HDAC11: variants seen among roughly 807,000 people sequenced by gnomAD.
The protein encoded by HDAC11 is histone deacetylase 11.
A neutral mutation model predicts 41.1 loss-of-function variants in HDAC11; 23 were observed. That is an observed-to-expected ratio of 0.56 (90% CI 0.40 to 0.79). HDAC11 has a LOEUF of 0.79. Among genes scored for constraint, HDAC11 ranks in the 30% least tolerant of loss-of-function variants. The probability of loss-of-function intolerance (pLI) is 0.00; values close to 1 mark genes in which losing one functional copy is unlikely to be tolerated. For synonymous variants in HDAC11, 187 were observed against 186.6 expected (o/e 1.00, Z -0.02); for missense variants, 402 against 477.3 (o/e 0.84, Z 1.47).
chr3:13,491,148 G>A (rs116125318), intron 3 of HDAC11, among the ~76,000 whole-genome samples: 178 of 151,220 alleles, frequency 1.2e-3, no homozygotes, highest in African/African-American at 4.0e-3. Context: ...ACATCATACC[G>A]TCTGTGAAGA....
intron 3 of HDAC11, among the ~76,000 whole-genome samples, chr3:13,495,726 C>T (rs181338639): frequency 2.6e-5 from 4 of 152,324 alleles, no homozygotes; most frequent in Non-Finnish European, 4.4e-5. Flanking sequence ...GTTCCAGCTG[C>T]ACCCACCTTC....
In HDAC11 at chr3:13,495,705, C is replaced by T. The variant is rs11921886; in HGVS notation, c.253-1031C>T. Among the ~76,000 whole-genome samples the T allele has an allele frequency of 5.0e-3, 764 of 152,316 alleles. 9 individuals are homozygous for T. The highest frequency in any genetic ancestry group is 0.018 in the African/African-American group (736 of 41,548). ...GAGACCAGGCCCTGTGTGATAAGCTCAGCCTGCCCTGTTCCAGCTGCACCC... is the reference window on the plus strand; with the variant it reads ...GAGACCAGGCCCTGTGTGATAAGCTTAGCCTGCCCTGTTCCAGCTGCACCC... On this transcript the variant is annotated intron_variant, in intron 3 of 9. Coordinates refer to ENST00000295757, the MANE Select transcript of HDAC11 (RefSeq NM_024827.4).
Position 13,498,519 on chromosome 3 carries a change from A to G in HDAC11, c.376A>G (p.Lys126Glu). 6.2e-7 allele frequency: 1 copy of G among 1,613,922 alleles called. No individual in the cohort carries two copies. The highest frequency in any genetic ancestry group is 8.5e-7 in the Non-Finnish European group (1 of 1,179,990). Residue 126 changes from lysine to glutamate, a missense_variant, in exon 5 of 10, where the codon AAG (lysine) becomes GAG (glutamate). Coordinates refer to ENST00000295757, the MANE Select transcript of HDAC11 (RefSeq NM_024827.4). ...TQTGGTIMAG[K>E]LAVERGWAIN... is the part of the protein sequence containing the mutation. ...CCTCTGCTTGTCTCCAAAGGCGGGG[A>G]AGCTGGCTGTGGAGCGAGGCTGGGC...
At chr3:13,488,711 G>A (rs548328836) in intron 3 of HDAC11, among the ~76,000 whole-genome samples, 1 of 152,218 alleles carries the variant, frequency 6.6e-6, no homozygotes, top group South Asian at 2.1e-4. Flanking sequence ...TGTTGCTGTG[G>A]ACATGTGCAT....
In HDAC11 at chr3:13,498,238, A is replaced by G. The variant is rs145754410; in HGVS notation, c.370-275A>G. 6.1e-4 allele frequency among the ~76,000 whole-genome samples: 93 copies of G among 152,318 alleles called. 1 individual carries two copies. The highest frequency in any genetic ancestry group is 2.1e-3 in the African/African-American group (87 of 41,574). On this transcript the variant is annotated intron_variant, in intron 4 of 9. Transcript: ENST00000295757. ...CAAAATTATTGTCAGCTCATATGTG[A>G]TGGATGATAAGTACTTTTATTTTTT...
chr3:13,504,380 A>C, intron 9 of HDAC11, 88 bp from the exon 10 acceptor site: 1 of 1,583,836 alleles, frequency 6.3e-7, no homozygotes, highest in Non-Finnish European at 8.6e-7. Context: ...AAGCAACAGC[A>C]GTTTGGAGCA....
chr3:13,495,886 C>T (rs1195063543), intron 3 of HDAC11, among the ~76,000 whole-genome samples: 4 of 152,236 alleles, frequency 2.6e-5, no homozygotes, highest in Non-Finnish European at 5.9e-5. Context: ...TCCTCTTCAT[C>T]ACCACACTCA....
intron 3 of HDAC11, among the ~76,000 whole-genome samples, chr3:13,484,435 A>G (rs968106049): frequency 6.6e-6 from 1 of 152,198 alleles, no homozygotes; most frequent in African/African-American, 2.4e-5. Context: ...CCCCTTCCCA[A>G]GGGGCGGCTC....
chr3:13,492,323 G>T (rs1375814650), intron 3 of HDAC11, among the ~76,000 whole-genome samples: 1 of 152,226 alleles, frequency 6.6e-6, no homozygotes, highest in African/African-American at 2.4e-5. Context: ...GCACCAGCCA[G>T]AAAAGGGGAT....
At chr3:13,491,409 C>T (rs1701859802) in intron 3 of HDAC11, among the ~76,000 whole-genome samples, 1 of 151,984 alleles carries the variant, frequency 6.6e-6, no homozygotes, top group Non-Finnish European at 1.5e-5. Flanking sequence ...GTGATTTTAT[C>T]ACAAAAGGCT....
rs1701317878 is a variant in HDAC11 at position 13,481,484 on chromosome 3, T to A, written c.151+90T>A. The A allele has an allele frequency of 2.9e-5, 42 of 1,473,140 alleles. No individual in the cohort carries two copies. The South Asian group carries it at 4.6e-4, about 16-fold the overall frequency. The allele number at this position is 1,473,140 out of a possible 1,614,324, so 91.3% of individuals were successfully genotyped here. A position where few individuals can be genotyped will look rare whatever the true frequency, so the allele number is the denominator to read the frequency against. On this transcript the variant is annotated intron_variant, in intron 2 of 9. Coordinates refer to ENST00000295757, the MANE Select transcript of HDAC11 (RefSeq NM_024827.4). Reference sequence around the variant, plus strand: ...TCCCCAACATAAGCCTCAGGCTCTCTCCCATCTTCAGTTTCAGCCCTCGGA... The same window carrying A: ...TCCCCAACATAAGCCTCAGGCTCTCACCCATCTTCAGTTTCAGCCCTCGGA...
In HDAC11 at chr3:13,481,306, G is replaced by A. The variant is rs373052655; in HGVS notation, c.63G>A (p.Ser21=). 8.7e-6 allele frequency: 14 copies of A among 1,613,266 alleles called. No individual in the cohort carries two copies. The highest frequency in any genetic ancestry group is 5.3e-5 in the African/African-American group (4 of 74,870). ...VPETRWPIVY[S]PRYNITFMGL... ...AGACACGCTGGCCAATCGTGTACTC[G>A]CCGCGCTACAACATCACCTTCATGG... Residue 21 remains serine, a synonymous_variant, in exon 2 of 10, where the codon TCG becomes TCA. Coordinates refer to ENST00000295757, the MANE Select transcript of HDAC11 (RefSeq NM_024827.4).
chr3:13,502,222 G>A lies in HDAC11; in HGVS notation c.552+289G>A. 1 of 410,456 alleles carries A rather than the reference G, an allele frequency of 2.4e-6. No individual in the cohort carries two copies. The highest frequency in any genetic ancestry group is 4.0e-5 in the East Asian group (1 of 24,782). The allele number at this position is 410,456 out of a possible 1,614,324, so 25.4% of individuals were successfully genotyped here. On this transcript the variant is annotated intron_variant, in intron 7 of 9. Transcript: ENST00000295757. This position sits in a 1 kb window ranked among gnomAD's most constrained non-coding sequence, Gnocchi z 4.1. ...CTCTCGTGTGCAGAGCTCTGCTGTG[G>A]GTCCCCATTGCTTATGAATAATTTG... is the stretch of plus-strand genomic sequence containing the variant.
intron 3 of HDAC11, among the ~76,000 whole-genome samples, chr3:13,492,788 C>T (rs1701926314): frequency 6.6e-6 from 1 of 152,168 alleles, no homozygotes; most frequent in African/African-American, 2.4e-5. Flanking sequence ...AAGTAATCCG[C>T]CTACCTCAGC....
At position 13,502,635 on chromosome 3, in the gene HDAC11, C is replaced by T. The variant is rs1702425179; in HGVS notation, c.553-249C>T. The T allele has an allele frequency of 9.5e-6, 4 of 422,374 alleles. No homozygotes were observed. Among genetic ancestry groups the T allele is most frequent in the East Asian group, 4.6e-5 (1 of 21,940 alleles). 26.2% of individuals were successfully genotyped at this position (422,374 alleles called of 1,614,324 possible). On this transcript the variant is annotated intron_variant, in intron 7 of 9. Coordinates refer to ENST00000295757, the MANE Select transcript of HDAC11 (RefSeq NM_024827.4). This position sits in a 1 kb window ranked among gnomAD's most constrained non-coding sequence, Gnocchi z 4.1. ...CCACAGACTTGAGAGGGTGGCAGAGCGGGATTTCTTCCTCTGATAGGGAAC... is the reference window on the plus strand; with the variant it reads ...CCACAGACTTGAGAGGGTGGCAGAGTGGGATTTCTTCCTCTGATAGGGAAC...
intron 3 of HDAC11, among the ~76,000 whole-genome samples, chr3:13,487,388 C>T (rs1701647327): frequency 3.3e-5 from 5 of 152,240 alleles, no homozygotes; most frequent in South Asian, 2.1e-4. Flanking sequence ...ATTCTACCCC[C>T]AACCCCTGCC....
intron 4 of HDAC11, among the ~76,000 whole-genome samples, chr3:13,497,238 G>C (rs1290744427): frequency 6.6e-6 from 1 of 151,788 alleles, no homozygotes; most frequent in Non-Finnish European, 1.5e-5. Flanking sequence ...GAGTGCAGTG[G>C]TGTGATCTTG....
rs752031999 is a variant in HDAC11, at chr3:13,481,323, C to A, written c.80C>A (p.Thr27Asn). The change falls in exon 2 of 10, where the codon ACC becomes AAC. Residue 27 changes from threonine to asparagine, a missense_variant. By Grantham distance (65) the Thr-to-Asn change is moderately conservative. Transcript: ENST00000295757. ...GTGTACTCGCCGCGCTACAACATCA[C>A]CTTCATGGGCCTGGAGAAGCTGCAT... is the stretch of plus-strand genomic sequence containing the variant. ...PIVYSPRYNI[T>N]FMGLEKLHPF... 1 of 1,613,922 alleles carries A rather than the reference C, an allele frequency of 6.2e-7. No individual in the cohort carries two copies. The highest frequency in any genetic ancestry group is 1.1e-5 in the South Asian group (1 of 91,068).
rs1248341028 is a variant in HDAC11, at chr3:13,504,590, T to TA, written c.953dup (p.Asn318LysfsTer11). 1.2e-6 allele frequency: 2 copies of TA among 1,613,756 alleles called. No homozygotes were observed. Among genetic ancestry groups the TA allele is most frequent in the Non-Finnish European group, 1.7e-6 (2 of 1,180,026 alleles). ...CCCGCATCATTGCTGACTCCATACT[T>TA]AATCTGTTTGGCCTGGGGCTCATTG... On this transcript the variant is annotated frameshift_variant, in exon 10 of 10. Coordinates refer to ENST00000295757, the MANE Select transcript of HDAC11 (RefSeq NM_024827.4). LOFTEE classifies it high-confidence loss of function.
Sources: gnomAD v4.1 joint callset for allele counts (sites outside exome capture counted in the v4.1 genomes callset) on GRCh38, gnomAD v4.1.1 for gene constraint, Gnocchi (gnomAD v3.1) non-coding constraint, MANE v1.5 for transcripts, NCBI Gene and HGNC (gene_info 2026-07-23, HGNC 2026-07-21) for gene names.